SPOCK1: variants seen among roughly 807,000 people sequenced by gnomAD.
SPOCK1 encodes testican-1.
Under a neutral mutation model 55.3 loss-of-function variants are expected in SPOCK1, and 23 were observed. That is an observed-to-expected ratio of 0.42 (90% CI 0.30 to 0.59). The LOEUF (loss-of-function observed/expected upper bound fraction) is 0.59. Ranked by LOEUF, SPOCK1 falls within the 20% of genes least tolerant of loss-of-function variation. SPOCK1 has a pLI of 0.22. For missense variants in SPOCK1, 499 were observed against 552.5 expected, an observed-to-expected ratio of 0.90 and a Z score of 0.97; for synonymous variants, 226 against 221.0, an observed-to-expected ratio of 1.02 and a Z score of -0.20.
At chr5:137,382,464 G>C (rs1005295439) in intron 2 of SPOCK1, among the ~76,000 whole-genome samples, 1 of 152,186 alleles carries the variant, frequency 6.6e-6, no homozygotes, top group Non-Finnish European at 1.5e-5. Context: ...CTGATATAAA[G>C]AACTACCTGA....
chr5:137,230,429 C>T (rs994439600), intron 3 of SPOCK1, among the ~76,000 whole-genome samples: 1 of 152,156 alleles, frequency 6.6e-6, no homozygotes, highest in African/African-American at 2.4e-5. Flanking sequence ...AAAAAGCAAA[C>T]ACTCATAGGT....
intron 6 of SPOCK1, among the ~76,000 whole-genome samples, chr5:137,017,825 T>C (rs928755423): frequency 2.6e-5 from 4 of 152,082 alleles, no homozygotes; most frequent in South Asian, 4.1e-4. Flanking sequence ...AATTCTAAAA[T>C]CGAGTATAAA....
chr5:137,295,782 T>C (rs1163426701), intron 2 of SPOCK1, among the ~76,000 whole-genome samples: 1 of 152,122 alleles, frequency 6.6e-6, no homozygotes, highest in Non-Finnish European at 1.5e-5. Context: ...CAAATATGAG[T>C]GGAGTTATAT....
At chr5:137,372,143 A>G (rs867214860) in intron 2 of SPOCK1, among the ~76,000 whole-genome samples, 5 of 152,162 alleles carry the variant, frequency 3.3e-5, no homozygotes, top group Non-Finnish European at 5.9e-5. Context: ...GAGCTAGCCT[A>G]GTTTCAGCTG....
In SPOCK1 at chr5:137,091,783, T is replaced by C. The variant is rs6866437; in HGVS notation, c.474+20652A>G. 4.4e-3 allele frequency among the ~76,000 whole-genome samples: 664 copies of C among 152,296 alleles called. 3 individuals are homozygous for C. Among genetic ancestry groups the C allele is most frequent in the East Asian group, 0.028 (145 of 5,180 alleles). ...TGGAACCAAGGTACACAGAGGACAC[T>C]GGATGGTGAATTGAAGTTTATTAGC... On this transcript the variant is annotated intron_variant, in intron 5 of 10. Coordinates refer to ENST00000394945, the MANE Select transcript of SPOCK1 (RefSeq NM_004598.4).
At position 137,023,960 on chromosome 5, in the gene SPOCK1, A is replaced by T. The variant is rs200234587; in HGVS notation, c.590-31360T>A. Among the ~76,000 whole-genome samples the T allele has an allele frequency of 4.4e-3, 565 of 129,862 alleles. 4 individuals carry two copies. Among genetic ancestry groups the T allele is most frequent in the African/African-American group, 0.015 (514 of 35,166 alleles). 85.2% of individuals were successfully genotyped at this position (129,862 alleles called of 152,430 possible). A position where few individuals can be genotyped will look rare whatever the true frequency, so the allele number is the denominator to read the frequency against. Reference sequence around the variant, plus strand: ...TCTAATTAGCAAGTGTCAATATAGTATTTTTTTTTTTTTTTTTTGCTAACT... The same window carrying T: ...TCTAATTAGCAAGTGTCAATATAGTTTTTTTTTTTTTTTTTTTTGCTAACT... On this transcript the variant is annotated intron_variant, in intron 6 of 10. Coordinates refer to ENST00000394945, the MANE Select transcript of SPOCK1 (RefSeq NM_004598.4).
At chr5:137,118,974 T>C (rs546928744) in intron 4 of SPOCK1, among the ~76,000 whole-genome samples, 1 of 152,336 alleles carries the variant, frequency 6.6e-6, no homozygotes. Context: ...CCCTGATTCC[T>C]CACACATAGC....
At chr5:137,460,187 G>A (rs1302023002) in intron 2 of SPOCK1, among the ~76,000 whole-genome samples, 8 of 152,186 alleles carry the variant, frequency 5.3e-5, no homozygotes, top group Admixed American at 4.6e-4. Context: ...ATCAGGCAGT[G>A]GGATGGTCAG....
intron 5 of SPOCK1, among the ~76,000 whole-genome samples, chr5:137,109,282 G>T (rs1233595459): frequency 6.6e-6 from 1 of 152,212 alleles, no homozygotes; most frequent in African/African-American, 2.4e-5. Context: ...CTAAGTCTCT[G>T]CCAGAGCCCC....
chr5:137,093,860 T>C (rs1753093327), intron 5 of SPOCK1, among the ~76,000 whole-genome samples: 1 of 152,080 alleles, frequency 6.6e-6, no homozygotes, highest in Non-Finnish European at 1.5e-5. Context: ...ATAGAGAACC[T>C]GGGGGAGCAG....
intron 2 of SPOCK1, among the ~76,000 whole-genome samples, chr5:137,395,932 C>CAAATA (rs1751839280): frequency 6.6e-6 from 1 of 152,212 alleles, no homozygotes; most frequent in Non-Finnish European, 1.5e-5. Flanking sequence ...CCCCCCAATA[C>CAAATA]AAATAGAAAG....
At chr5:137,211,470 G>A (rs772268612) in intron 3 of SPOCK1, among the ~76,000 whole-genome samples, 2 of 152,232 alleles carry the variant, frequency 1.3e-5, no homozygotes, top group Non-Finnish European at 2.9e-5. Flanking sequence ...GGTATAGAAA[G>A]ATTCTATAGA....
At chr5:137,318,693 C>T (rs905604762) in intron 2 of SPOCK1, among the ~76,000 whole-genome samples, 4 of 152,164 alleles carry the variant, frequency 2.6e-5, no homozygotes, top group Non-Finnish European at 5.9e-5. Flanking sequence ...ACAAGTATTG[C>T]CTATTGTTTA....
At chr5:137,323,453 C>T (rs1488988441) in intron 2 of SPOCK1, among the ~76,000 whole-genome samples, 2 of 151,794 alleles carry the variant, frequency 1.3e-5, no homozygotes, top group Non-Finnish European at 2.9e-5. Flanking sequence ...ATAAAAGGGC[C>T]AATTCACCAG....
intron 3 of SPOCK1, among the ~76,000 whole-genome samples, chr5:137,218,209 C>A (rs538794809): frequency 4.6e-5 from 7 of 152,304 alleles, no homozygotes; most frequent in African/African-American, 9.6e-5. Context: ...GGAAGCACAG[C>A]TTGTTAGTGA....
intron 6 of SPOCK1, among the ~76,000 whole-genome samples, chr5:136,994,241 G>C (rs570939867): frequency 5.9e-5 from 9 of 152,228 alleles, no homozygotes; most frequent in East Asian, 3.9e-4. Context: ...ACACTGCCTT[G>C]CTTTTAATAA....
At chr5:137,351,735 C>T (rs1750685569) in intron 2 of SPOCK1, among the ~76,000 whole-genome samples, 2 of 152,196 alleles carry the variant, frequency 1.3e-5, no homozygotes, top group Non-Finnish European at 2.9e-5. Flanking sequence ...AATGTCACCA[C>T]CTTTCATGCA....
At chr5:137,469,301 G>A (rs374828084) in intron 2 of SPOCK1, among the ~76,000 whole-genome samples, 69 of 152,296 alleles carry the variant, frequency 4.5e-4, no homozygotes, top group African/African-American at 1.5e-3. Flanking sequence ...TATGTAGTCA[G>A]CTTTCCAGAA....
chr5:137,415,783 C>G (rs906036462), intron 2 of SPOCK1, among the ~76,000 whole-genome samples: 8 of 152,204 alleles, frequency 5.3e-5, no homozygotes, highest in African/African-American at 1.2e-4. Flanking sequence ...TGATCTATAT[C>G]CACTTACTTA....
Sources: gnomAD v4.1 joint callset for allele counts (sites outside exome capture counted in the v4.1 genomes callset) on GRCh38, gnomAD v4.1.1 for gene constraint, MANE v1.5 for transcripts, NCBI Gene and HGNC (gene_info 2026-07-23, HGNC 2026-07-21) for gene names.